BANK1: variants seen among roughly 807,000 people sequenced by gnomAD.
The protein encoded by BANK1 is B cell scaffold protein with ankyrin repeats 1.
BANK1 carries 95 observed loss-of-function variants against 94.5 expected under a neutral mutation model. The ratio of observed to expected loss-of-function variants is 1.00; its 90% CI spans 0.85 to 1.19. The LOEUF (loss-of-function observed/expected upper bound fraction) is 1.19. BANK1 is among the 50% of genes most tolerant of loss of function. The pLI is 0.00. For missense variants in BANK1, 987 were observed against 932.2 expected, an observed-to-expected ratio of 1.06 and a Z score of -0.77; for synonymous variants, 334 against 308.4, an observed-to-expected ratio of 1.08 and a Z score of -0.87.
intron 1 of BANK1, chr4:101,813,875 G>A: frequency 1.0e-6 from 1 of 985,438 alleles, no homozygotes; most frequent in Non-Finnish European, 1.2e-6. Flanking sequence ...GAGGGTGGGG[G>A]ACTACTTGCT....
chr4:102,044,161 C>T (rs1342620877), intron 11 of BANK1, among the ~76,000 whole-genome samples: 1 of 152,080 alleles, frequency 6.6e-6, no homozygotes, highest in Non-Finnish European at 1.5e-5. Flanking sequence ...AGGTATATCT[C>T]CCGATGCTAT....
rs370427716 is a variant in BANK1 at position 101,829,860 on chromosome 4, T to C, written c.123T>C (p.Ala41=). The C allele has an allele frequency of 6.7e-5, 108 of 1,606,942 alleles. No individual in the cohort carries two copies. Among genetic ancestry groups the C allele is most frequent in the Non-Finnish European group, 9.2e-5 (108 of 1,176,050 alleles). Residue 41 remains alanine, a synonymous_variant, in exon 2 of 17, where the codon GCT becomes GCC. Coordinates refer to ENST00000322953, the MANE Select transcript of BANK1 (RefSeq NM_017935.5). ...ATGAAGAAGATGCTGAGGAATGGGCTCTGTACTTGACAGAAGTATTTTTAC... is the reference window on the plus strand; with the variant it reads ...ATGAAGAAGATGCTGAGGAATGGGCCCTGTACTTGACAGAAGTATTTTTAC... ...MIYEEDAEEW[A]LYLTEVFLHV... is the part of the protein sequence containing the mutation.
intron 5 of BANK1, among the ~76,000 whole-genome samples, chr4:101,890,564 T>C (rs183172427): frequency 4.7e-5 from 7 of 148,850 alleles, no homozygotes; most frequent in African/African-American, 1.5e-4. Context: ...TAAATATTAT[T>C]AAAGTATAAT....
At chr4:101,810,016 A>G (rs958837551) in intron 1 of BANK1, among the ~76,000 whole-genome samples, 3 of 152,138 alleles carry the variant, frequency 2.0e-5, no homozygotes, top group African/African-American at 7.2e-5. Flanking sequence ...GTTGGGCCCA[A>G]TATAATCACA....
In BANK1 at chr4:101,803,461, T is replaced by A. The variant is rs569829361; in HGVS notation, c.70+12511T>A. Among the ~76,000 whole-genome samples the A allele has an allele frequency of 2.0e-5, 3 of 152,260 alleles. No individual in the cohort carries two copies. The East Asian group carries it at 5.8e-4, about 29-fold the overall frequency. Reference sequence around the variant, plus strand: ...CTATTTAGTTGGGGTAAGTTAGGGTTGTGCTAGCGAAAATGAGAGGAAAAT... The same window carrying A: ...CTATTTAGTTGGGGTAAGTTAGGGTAGTGCTAGCGAAAATGAGAGGAAAAT... On this transcript the variant is annotated intron_variant, in intron 1 of 16. Coordinates refer to ENST00000322953, the MANE Select transcript of BANK1 (RefSeq NM_017935.5).
At chr4:102,046,523 T>C (rs1371950334) in intron 11 of BANK1, among the ~76,000 whole-genome samples, 1 of 152,132 alleles carries the variant, frequency 6.6e-6, no homozygotes, top group Non-Finnish European at 1.5e-5. Flanking sequence ...AAGGGAAGCC[T>C]CTGGAACCTA....
intron 7 of BANK1, among the ~76,000 whole-genome samples, chr4:101,961,538 T>C (rs1724569838): frequency 2.6e-5 from 4 of 152,200 alleles, no homozygotes; most frequent in Non-Finnish European, 5.9e-5. Context: ...TCTTAGAATC[T>C]TAATCCTCCT....
At position 101,862,541 on chromosome 4, in the gene BANK1, T is replaced by C; in HGVS notation, c.640T>C (p.Phe214Leu). 1 of 1,603,892 alleles carries C rather than the reference T, an allele frequency of 6.2e-7. No individual in the cohort carries two copies. The highest frequency in any genetic ancestry group is 8.5e-7 in the Non-Finnish European group (1 of 1,176,256). Residue 214 changes from phenylalanine (F) to leucine (L), a missense_variant, in exon 4 of 17, where the codon TTC (phenylalanine) becomes CTC (leucine). By Grantham distance (22) the Phe-to-Leu change is conservative. Transcript: ENST00000322953. ...CATCTTACAGAATCCTGGTGAAATA[T>C]TCATAATTTTGAGAGATGAAGTAAT... Reference protein sequence around the residue: ...EIPCENPGEIFIILRDEVIGD... With the variant: ...EIPCENPGEILIILRDEVIGD...
chr4:101,881,035 C>T (rs762542303), intron 5 of BANK1, among the ~76,000 whole-genome samples: 12 of 151,912 alleles, frequency 7.9e-5, no homozygotes, highest in Non-Finnish European at 1.5e-4. Flanking sequence ...GACAAATATC[C>T]GACAAGCACA....
At chr4:102,026,096 G>A (rs1427896351) in intron 9 of BANK1, among the ~76,000 whole-genome samples, 1 of 152,144 alleles carries the variant, frequency 6.6e-6, no homozygotes, top group Non-Finnish European at 1.5e-5. Context: ...TGGAAGAAGA[G>A]TCAACATAGC....
At chr4:101,968,108 A>G (rs1291766877) in intron 7 of BANK1, among the ~76,000 whole-genome samples, 1 of 152,038 alleles carries the variant, frequency 6.6e-6, no homozygotes, top group Non-Finnish European at 1.5e-5. Context: ...ACAGATGATA[A>G]GAAGAAATGC....
chr4:101,959,746 T>C (rs915394736), intron 7 of BANK1, among the ~76,000 whole-genome samples: 1 of 152,224 alleles, frequency 6.6e-6, no homozygotes, highest in Non-Finnish European at 1.5e-5. Flanking sequence ...AGGGTTTCTT[T>C]GATCAAGGCT....
intron 1 of BANK1, among the ~76,000 whole-genome samples, chr4:101,819,265 T>C (rs1387605042): frequency 6.6e-6 from 1 of 152,166 alleles, no homozygotes; most frequent in African/African-American, 2.4e-5. Context: ...ACACGTGCCT[T>C]TAGGTCACTC....
intron 7 of BANK1, among the ~76,000 whole-genome samples, chr4:101,954,112 G>A (rs527357905): frequency 4.6e-5 from 7 of 152,016 alleles, no homozygotes; most frequent in East Asian, 1.9e-4. Context: ...GCATTGCCTC[G>A]GTCTTCACAA....
chr4:102,019,307 T>C (rs1286419475), intron 7 of BANK1, among the ~76,000 whole-genome samples: 1 of 152,164 alleles, frequency 6.6e-6, no homozygotes, highest in Non-Finnish European at 1.5e-5. Context: ...ATTTGACGAA[T>C]GAATGAATAA....
chr4:101,960,905 A>G (rs969733463), intron 7 of BANK1, among the ~76,000 whole-genome samples: 2 of 152,080 alleles, frequency 1.3e-5, no homozygotes, highest in Non-Finnish European at 2.9e-5. Flanking sequence ...CAGGTTCTCA[A>G]TTTTTCCAAG....
chr4:101,987,894 T>A (rs572452696), intron 7 of BANK1, among the ~76,000 whole-genome samples: 3 of 152,290 alleles, frequency 2.0e-5, no homozygotes, highest in Non-Finnish European at 2.9e-5. Flanking sequence ...GTCATGTGCG[T>A]TGCCTGTGGG....
chr4:102,026,565 A>G (rs1727104412), intron 9 of BANK1, among the ~76,000 whole-genome samples: 1 of 152,174 alleles, frequency 6.6e-6, no homozygotes, highest in Non-Finnish European at 1.5e-5. Flanking sequence ...ACAGTGGCTC[A>G]TGCCTGTAAT....
At position 101,897,617 on chromosome 4, in the gene BANK1, A is replaced by G. The variant is rs76013584; in HGVS notation, c.1009+2207A>G. On this transcript the variant is annotated intron_variant, in intron 6 of 16. Coordinates refer to ENST00000322953, the MANE Select transcript of BANK1 (RefSeq NM_017935.5). ...GCTGCTACACCTCATACCTCTCACT[A>G]GGTACTAAGACTTTAGAGCAATTGT... Among the ~76,000 whole-genome samples the G allele has an allele frequency of 5.8e-3, 878 of 152,134 alleles. 14 individuals are homozygous for G. The East Asian group carries it at 0.058, about 10-fold the overall frequency.
Sources: gnomAD v4.1 joint callset for allele counts (sites outside exome capture counted in the v4.1 genomes callset) on GRCh38, gnomAD v4.1.1 for gene constraint, MANE v1.5 for transcripts, NCBI Gene and HGNC (gene_info 2026-07-23, HGNC 2026-07-21) for gene names.